The following HMGCS2 variants were observed in gnomAD, a reference collection of about 807,000 sequenced individuals.
HMGCS2 encodes the protein hydroxymethylglutaryl-CoA synthase, mitochondrial.
A neutral mutation model predicts 57.4 loss-of-function variants in HMGCS2; 50 were observed. The observed-to-expected ratio is 0.87, with a 90% CI of 0.69 to 1.10. HMGCS2 has a LOEUF of 1.10. Ranked by LOEUF, HMGCS2 falls within the 50% of genes least tolerant of loss-of-function variation. HMGCS2 has a pLI of 0.00. For synonymous variants in HMGCS2, 254 were observed against 245.1 expected, an observed-to-expected ratio of 1.04 and a Z score of -0.34; for missense variants, 627 against 636.5, an observed-to-expected ratio of 0.99 and a Z score of 0.16.
At chr1:119,752,815 A>C in intron 7 of HMGCS2, 141 bp from the exon 8 acceptor site, 1 of 934,768 alleles carries the variant, frequency 1.1e-6, no homozygotes, top group Non-Finnish European at 1.7e-6. Context: ...GAATACCAAG[A>C]AATGATAAGC....
At chr1:119,754,796 A>T (rs1652781487) in intron 6 of HMGCS2, among the ~76,000 whole-genome samples, 4 of 152,258 alleles carry the variant, frequency 2.6e-5, no homozygotes, top group Non-Finnish European at 2.9e-5. Flanking sequence ...ATGCTCTACT[A>T]AGTATAGAGA....
Position 119,750,856 on chromosome 1 carries a change from G to A in HMGCS2, c.1473C>T (p.Tyr491=). 1 of 1,614,018 alleles carries A rather than the reference G, an allele frequency of 6.2e-7. No homozygotes were observed. Among genetic ancestry groups the A allele is most frequent in the Non-Finnish European group, 8.5e-7 (1 of 1,179,954 alleles). ...DTNSLFPGTW[Y]LERVDEQHRR... ...GATGCTGCTCGTCCACTCGCTCCAG[G>A]TACCAAGTACCTGGGAAAAGGCTGT... Residue 491 remains tyrosine (Y), a synonymous_variant, in exon 9 of 10, where the codon TAC becomes TAT. Coordinates refer to ENST00000369406, the MANE Select transcript of HMGCS2 (RefSeq NM_005518.4).
chr1:119,765,182 C>T (rs1331613389), intron 1 of HMGCS2, among the ~76,000 whole-genome samples: 1 of 152,206 alleles, frequency 6.6e-6, no homozygotes, highest in Non-Finnish European at 1.5e-5. Context: ...GATCTCTGCT[C>T]ACTGCAAGCT....
chr1:119,753,416 C>T (rs1652729095), intron 6 of HMGCS2, 30 bp from the exon 7 acceptor site: 1 of 610,036 alleles, frequency 1.6e-6, no homozygotes, highest in South Asian at 1.9e-5. Flanking sequence ...ATAAAACACA[C>T]ACACACACAC....
chr1:119,766,426 C>T (rs1005656929), intron 1 of HMGCS2, among the ~76,000 whole-genome samples: 7 of 152,170 alleles, frequency 4.6e-5, no homozygotes, highest in South Asian at 2.1e-4. Context: ...GATTCTGAGC[C>T]TCTGGTAGAA....
chr1:119,762,257 C>G (rs1451618394), intron 2 of HMGCS2, among the ~76,000 whole-genome samples: 1 of 151,976 alleles, frequency 6.6e-6, no homozygotes, highest in East Asian at 1.9e-4. Flanking sequence ...ATATTTTGTA[C>G]AATGTTTAAA....
intron 8 of HMGCS2, among the ~76,000 whole-genome samples, chr1:119,751,614 G>T (rs1334496375): frequency 6.6e-6 from 1 of 151,554 alleles, no homozygotes; most frequent in Non-Finnish European, 1.5e-5. Flanking sequence ...CACCATGTTG[G>T]CCAGGCTGGT....
chr1:119,761,896 T>C (rs587653119), intron 2 of HMGCS2, among the ~76,000 whole-genome samples: 3 of 152,336 alleles, frequency 2.0e-5, no homozygotes, highest in Admixed American at 2.0e-4. Context: ...TTTTACTTGT[T>C]AAATTGACAA....
Position 119,757,367 on chromosome 1 carries a change from C to T in HMGCS2, c.922G>A (p.Val308Ile). ...ATCAGGCGAGCCAGAGACTTCTGGA[C>T]CATCTTGCAAAAGGGTGTATGAAAG... ...MIFHTPFCKM[V>I]QKSLARLMFN... is the part of the protein sequence containing the mutation. Residue 308 changes from valine (V) to isoleucine (I), a missense_variant, in exon 5 of 10, where the codon GTC (valine) becomes ATC (isoleucine). By Grantham distance (29) the Val-to-Ile change is conservative (BLOSUM62 3). Coordinates refer to ENST00000369406, the MANE Select transcript of HMGCS2 (RefSeq NM_005518.4). The T allele has an allele frequency of 6.2e-7, 1 of 1,614,160 alleles. No homozygotes were observed. Among genetic ancestry groups the T allele is most frequent in the Non-Finnish European group, 8.5e-7 (1 of 1,180,024 alleles).
chr1:119,755,693 C>T (rs1392869487), intron 5 of HMGCS2, 96 bp from the exon 6 acceptor site: 31 of 1,108,582 alleles, frequency 2.8e-5, no homozygotes, highest in Non-Finnish European at 3.7e-5. Flanking sequence ...GACTTTGGGG[C>T]GCATGTTTTT....
Position 119,759,203 on chromosome 1 carries a change from C to G in HMGCS2, c.765G>C (p.Gly255=). Residue 255 remains glycine, a synonymous_variant, in exon 4 of 10, where the codon GGG becomes GGC. Transcript: ENST00000369406. The part of the protein sequence containing the change: ...NLASEYPIVD[G]KLSIQCYLRA... ...GCAAGTAGCACTGGATGGAAAGCTT[C>G]CCATCCACTATTGGGTACTCCGAGG... The G allele has an allele frequency of 6.2e-7, 1 of 1,613,724 alleles. No individual in the cohort carries two copies. The highest frequency in any genetic ancestry group is 8.5e-7 in the Non-Finnish European group (1 of 1,179,630).
At chr1:119,750,510 A>G (rs1255353163) in intron 9 of HMGCS2, among the ~76,000 whole-genome samples, 1 of 152,186 alleles carries the variant, frequency 6.6e-6, no homozygotes, top group Non-Finnish European at 1.5e-5. Context: ...AAGAGCCCCA[A>G]GAGTTTTAAT....
At position 119,755,438 on chromosome 1, in the gene HMGCS2, C is replaced by G. The variant is rs1652802208; in HGVS notation, c.1176G>C (p.Ser392=). The change falls in exon 6 of 10, where the codon TCG becomes TCC. Residue 392 remains serine (S), a synonymous_variant. Transcript: ENST00000369406. The part of the protein sequence containing the change: ...YTSSLYGCLA[S]LLSHHSAQEL... ...GATGCAGTACTCACTGGGACAGAAG[C>G]GAGGCCAGGCACCCGTACAGGGATG... The G allele has an allele frequency of 6.2e-7, 1 of 1,614,080 alleles. No individual in the cohort carries two copies. Among genetic ancestry groups the G allele is most frequent in the Non-Finnish European group, 8.5e-7 (1 of 1,180,004 alleles).
intron 2 of HMGCS2, among the ~76,000 whole-genome samples, chr1:119,761,313 A>T (rs1473268342): frequency 2.0e-5 from 3 of 151,472 alleles, no homozygotes; most frequent in African/African-American, 4.8e-5. Flanking sequence ...AACTATAGAA[A>T]AGTATTTAGA....
chr1:119,764,697 G>T lies in HMGCS2; in HGVS notation c.105-71C>A, dbSNP rs1653161820. The T allele has an allele frequency of 1.4e-5, 15 of 1,086,732 alleles. No individual in the cohort carries two copies. In the East Asian group the frequency reaches 3.8e-4, roughly 28 times the overall value. The allele number at this position is 1,086,732 out of a possible 1,614,324, so 67.3% of individuals were successfully genotyped here. A position where few individuals can be genotyped will look rare whatever the true frequency, so the allele number is the denominator to read the frequency against. On this transcript the variant is annotated intron_variant, in intron 1 of 9. Transcript: ENST00000369406. ...AATTTCCTCAAAAGACAGTAACATA[G>T]CAATCATTTAATTAATTTTCTATAT...
rs1408280308 is a variant in HMGCS2, at chr1:119,760,058, A to G, written c.560-69T>C. 25 of 1,431,144 alleles carry G rather than the reference A, an allele frequency of 1.7e-5. No individual in the cohort carries two copies. In the East Asian group the frequency reaches 5.1e-4, roughly 29 times the overall value. 88.7% of individuals were successfully genotyped at this position (1,431,144 alleles called of 1,614,324 possible). On this transcript the variant is annotated intron_variant, in intron 2 of 9. Transcript: ENST00000369406. ...AGAGTAGACTGAGTGCCTACTGTGT[A>G]CCAGGCACAATTCTAGGTCCTGGAT... is the stretch of plus-strand genomic sequence containing the variant.
intron 9 of HMGCS2, among the ~76,000 whole-genome samples, chr1:119,750,570 A>G (rs1652620759): frequency 2.0e-5 from 3 of 151,452 alleles, no homozygotes; most frequent in Non-Finnish European, 4.4e-5. Flanking sequence ...AAAGCTGTGA[A>G]CCCTCCCTGG....
chr1:119,755,540 C>T lies in HMGCS2; in HGVS notation c.1074G>A (p.Lys358=), dbSNP rs1652808173. The change falls in exon 6 of 10, where the codon AAG becomes AAA. Residue 358 remains lysine, a synonymous_variant. Coordinates refer to ENST00000369406, the MANE Select transcript of HMGCS2 (RefSeq NM_005518.4). ...TCTTGTCGAACATGTCCTGAGAGGC[C>T]TTTAGAAGTGCTTTATCCAGGTCCT... is the stretch of plus-strand genomic sequence containing the variant. The part of the protein sequence containing the change: ...TNKDLDKALL[K]ASQDMFDKKT... 1.2e-5 allele frequency: 20 copies of T among 1,614,088 alleles called. No individual in the cohort carries two copies. Among genetic ancestry groups the T allele is most frequent in the Non-Finnish European group, 1.7e-5 (20 of 1,180,018 alleles).
chr1:119,752,179 A>G (rs79057117), intron 8 of HMGCS2, among the ~76,000 whole-genome samples: 4,342 of 152,290 alleles, frequency 0.029, 200 homozygotes, highest in African/African-American at 0.097. Flanking sequence ...CCAAAGATAA[A>G]CAGCTAGTGA....
Sources: allele counts gnomAD v4.1 joint callset (sites outside exome capture counted in the v4.1 genomes callset), GRCh38; gene constraint gnomAD v4.1.1; transcripts MANE v1.5; gene names NCBI Gene and HGNC (gene_info 2026-07-23, HGNC 2026-07-21).